Variants in PASD1 observed in about 807,000 individuals in gnomAD.
PASD1 encodes the protein PAS domain containing repressor 1, also known as circadian clock protein PASD1.
A neutral mutation model predicts 58.8 loss-of-function variants in PASD1; 13 were observed. The ratio of observed to expected loss-of-function variants is 0.22; its 90% confidence interval spans 0.14 to 0.35. The LOEUF is 0.35. PASD1 is among the 10% of genes least tolerant of loss of function. PASD1 has a pLI of 1.00. For missense variants in PASD1, 734 were observed against 568.3 expected, an observed-to-expected ratio of 1.29 and a Z score of -2.96; for synonymous variants, 236 against 216.7, an observed-to-expected ratio of 1.09 and a Z score of -0.78.
rs149691650 is a variant in PASD1 at position 151,603,388 on chromosome X, T to C, written c.29-1258T>C. On this transcript the variant is annotated intron_variant, in intron 2 of 15. Transcript: ENST00000370357. ...TAAACAAAAACAAGTTCATGGGTAA[T>C]AGTAAAGTAGAAAAGTCCTTTATGA... Among the ~76,000 whole-genome samples the C allele has an allele frequency of 3.1e-3, 349 of 112,416 alleles. 1 individual carries two copies. Among genetic ancestry groups the C allele is most frequent in the African/African-American group, 0.011 (332 of 30,993 alleles).
rs183493435 is a variant in PASD1 at position 151,622,583 on chromosome X, G to C, written c.419-354G>C. ...AATCTTACTTGACTCTGTGTGCACAGATTACACACACACACACACACACAC... is the reference window on the plus strand; with the variant it reads ...AATCTTACTTGACTCTGTGTGCACACATTACACACACACACACACACACAC... On this transcript the variant is annotated intron_variant, in intron 6 of 15. Transcript: ENST00000370357. 5.0e-4 allele frequency among the ~76,000 whole-genome samples: 26 copies of C among 51,904 alleles called. No individual in the cohort carries two copies. The Admixed American group carries it at 6.7e-3, about 13-fold the overall frequency. The allele number at this position is 51,904 out of a possible 115,157, so 45.1% of individuals were successfully genotyped here.
chrX:151,640,930 C>CT (rs1490528417), intron 8 of PASD1: 1 of 111,589 alleles, frequency 9.0e-6, no homozygotes, highest in African/African-American at 3.3e-5. Context: ...AACCTTGAAA[C>CT]TTTTTTGGTT....
At chrX:151,569,687 G>A (rs73626795) in intron 1 of PASD1, among the ~76,000 whole-genome samples, 2,148 of 110,768 alleles carry the variant, frequency 0.019, 44 homozygotes, top group African/African-American at 0.065. Flanking sequence ...AGAGCTTCAC[G>A]TTAATGGGCA....
At position 151,671,307 on chromosome X, in the gene PASD1, C is replaced by T. The variant is rs775396751; in HGVS notation, c.1230+111C>T. The T allele has an allele frequency of 4.5e-5, 40 of 897,162 alleles. No individual in the cohort carries two copies. The African/African-American group carries it at 5.4e-4, about 12-fold the overall frequency. The allele number at this position is 897,162 out of a possible 1,213,427, so 73.9% of individuals were successfully genotyped here. Reference sequence around the variant, plus strand: ...TAAGGAGTTAGTCAATGGTGTCTGCCGGTAGTGACAGCTGCTGCCCACAGG... The same window carrying T: ...TAAGGAGTTAGTCAATGGTGTCTGCTGGTAGTGACAGCTGCTGCCCACAGG... On this transcript the variant is annotated intron_variant, in intron 12 of 15. Transcript: ENST00000370357.
intron 1 of PASD1, among the ~76,000 whole-genome samples, chrX:151,595,724 C>CA (rs200001968): frequency 0.019 from 2,110 of 108,963 alleles, 47 homozygotes; most frequent in African/African-American, 0.064. Context: ...GACTCTGTCT[C>CA]AAAAAACACA....
chrX:151,628,659 G>T (rs1294980218), intron 8 of PASD1, among the ~76,000 whole-genome samples: 2 of 111,775 alleles, frequency 1.8e-5, no homozygotes. Context: ...GCTTAGGATT[G>T]ACTTGGCAAT....
intron 1 of PASD1, among the ~76,000 whole-genome samples, chrX:151,583,948 T>C (rs1348374809): frequency 8.9e-6 from 1 of 112,201 alleles, no homozygotes; most frequent in African/African-American, 3.2e-5. Flanking sequence ...CTCAGCTAGA[T>C]TTTTATAAGA....
intron 15 of PASD1, among the ~76,000 whole-genome samples, chrX:151,675,440 C>G (rs2014532485): frequency 8.9e-6 from 1 of 112,103 alleles, no homozygotes; most frequent in African/African-American, 3.2e-5. Flanking sequence ...TTCTCCGCCC[C>G]CTTGGGTTCC....
intron 12 of PASD1, 116 bp from the exon 13 acceptor site, chrX:151,671,457 C>T (rs2014467418): frequency 7.6e-6 from 7 of 926,715 alleles, no homozygotes; most frequent in Non-Finnish European, 1.1e-5. Flanking sequence ...TTATATATAG[C>T]CAAGGCTTCC....
At chrX:151,564,014 A>C (rs1421960392) in intron 1 of PASD1, among the ~76,000 whole-genome samples, 175 bp downstream of exon 1, 1 of 112,626 alleles carries the variant, frequency 8.9e-6, no homozygotes, top group African/African-American at 3.2e-5. Flanking sequence ...GGGATGAGGC[A>C]GAAGGAGAGG....
At chrX:151,653,337 G>A (rs144729417) in intron 9 of PASD1, among the ~76,000 whole-genome samples, 10,152 of 108,852 alleles carry the variant, frequency 0.093, 471 homozygotes, top group Middle Eastern at 0.17. Context: ...GATTACAGGC[G>A]CATGCCACCA....
chrX:151,588,424 C>T (rs1469495090), intron 1 of PASD1, among the ~76,000 whole-genome samples: 2 of 112,079 alleles, frequency 1.8e-5, no homozygotes, highest in African/African-American at 3.2e-5. Context: ...CTCTGGTTTT[C>T]TTTAAAATTC....
chrX:151,665,591 T>C (rs760793559), intron 11 of PASD1, among the ~76,000 whole-genome samples: 1 of 111,514 alleles, frequency 9.0e-6, no homozygotes, highest in Non-Finnish European at 1.9e-5. Context: ...AGGACAGCTT[T>C]ATCCAAGTAG....
chrX:151,607,619 G>C (rs1024204899), intron 3 of PASD1, among the ~76,000 whole-genome samples: 6 of 111,897 alleles, frequency 5.4e-5, no homozygotes, highest in African/African-American at 2.0e-4. Flanking sequence ...CCTTGAAATA[G>C]TCTGTATAGG....
intron 8 of PASD1, among the ~76,000 whole-genome samples, chrX:151,633,757 T>C (rs768368934): frequency 1.8e-5 from 2 of 112,173 alleles, no homozygotes; most frequent in South Asian, 7.4e-4. Context: ...TAAAGACTTA[T>C]TGAAGCAGCA....
At chrX:151,644,955 T>C (rs1383349835) in intron 8 of PASD1, among the ~76,000 whole-genome samples, 1 of 110,841 alleles carries the variant, frequency 9.0e-6, no homozygotes, top group Non-Finnish European at 1.9e-5. Context: ...ACAGGAATCC[T>C]CTTCTAAGAA....
intron 1 of PASD1, 27 bp from the exon 2 acceptor site, chrX:151,601,500 T>G: frequency 3.5e-6 from 4 of 1,144,705 alleles, no homozygotes; most frequent in Non-Finnish European, 4.8e-6. Flanking sequence ...GATCTCTTAG[T>G]AAAATGTTGC....
chrX:151,666,328 C>A (rs1849966655), intron 11 of PASD1, among the ~76,000 whole-genome samples: 1 of 110,316 alleles, frequency 9.1e-6, no homozygotes, highest in African/African-American at 3.3e-5. Flanking sequence ...AATCTCATCT[C>A]TTTTCTGTCC....
intron 9 of PASD1, among the ~76,000 whole-genome samples, chrX:151,649,697 A>G (rs1024058864): frequency 8.9e-6 from 1 of 112,041 alleles, no homozygotes; most frequent in African/African-American, 3.2e-5. Context: ...TGCACAAATG[A>G]GTACTCTATG....
Sources: allele counts gnomAD v4.1 joint callset (sites outside exome capture counted in the v4.1 genomes callset), GRCh38; gene constraint gnomAD v4.1.1; transcripts MANE v1.5; gene names NCBI Gene and HGNC (gene_info 2026-07-23, HGNC 2026-07-21).